SH3RF3: variants seen among roughly 807,000 people sequenced by gnomAD.
SH3RF3 encodes E3 ubiquitin-protein ligase SH3RF3.
In SH3RF3, 29 loss-of-function variants were observed where a neutral mutation model predicts 66.3. The ratio of observed to expected loss-of-function variants is 0.44; its 90% CI spans 0.33 to 0.60. The LOEUF (loss-of-function observed/expected upper bound fraction) is 0.60. Among genes scored for constraint, SH3RF3 ranks in the 20% least tolerant of loss-of-function variants. SH3RF3 has a pLI of 0.04. For missense variants in SH3RF3, 1,194 were observed against 1,190.9 expected (o/e 1.00, Z -0.04); for synonymous variants, 583 against 532.0 (o/e 1.10, Z -1.32).
chr2:109,450,329 G>C (rs1173729905), intron 8 of SH3RF3, among the ~76,000 whole-genome samples: 5 of 149,568 alleles, frequency 3.3e-5, no homozygotes, highest in African/African-American at 1.2e-4. Flanking sequence ...CTGGGCAACA[G>C]AGCAAGACTG....
At chr2:109,464,587 G>A (rs149293586) in intron 8 of SH3RF3, among the ~76,000 whole-genome samples, 39 of 152,222 alleles carry the variant, frequency 2.6e-4, no homozygotes, top group African/African-American at 9.1e-4. Context: ...CCTCACAATC[G>A]ATTTCCTCTT....
chr2:109,229,348 AT>A (rs1174542262), intron 1 of SH3RF3, among the ~76,000 whole-genome samples: 1 of 152,164 alleles, frequency 6.6e-6, no homozygotes, highest in Non-Finnish European at 1.5e-5. Context: ...CTTTTCATAC[AT>A]TAACATGATA....
chr2:109,147,753 G>T (rs1181785518), intron 1 of SH3RF3, among the ~76,000 whole-genome samples: 1 of 152,174 alleles, frequency 6.6e-6, no homozygotes, highest in Non-Finnish European at 1.5e-5. Context: ...AAATATTTAC[G>T]AAGTTAACAA....
At chr2:109,152,246 C>A (rs1217946075) in intron 1 of SH3RF3, among the ~76,000 whole-genome samples, 1 of 152,222 alleles carries the variant, frequency 6.6e-6, no homozygotes, top group African/African-American at 2.4e-5. Context: ...AGGTGACAGG[C>A]AGTACCTATA....
intron 1 of SH3RF3, among the ~76,000 whole-genome samples, chr2:109,315,620 G>C (rs564410859): frequency 6.6e-6 from 1 of 152,256 alleles, no homozygotes; most frequent in Admixed American, 6.5e-5. Flanking sequence ...GCACAAGGAC[G>C]TGTGTGTCCA....
chr2:109,316,235 C>T (rs546752640), intron 1 of SH3RF3, among the ~76,000 whole-genome samples: 1 of 152,296 alleles, frequency 6.6e-6, no homozygotes, highest in South Asian at 2.1e-4. Context: ...TCTCTCGCAG[C>T]AGATCTGCAC....
chr2:109,363,157 C>T (rs913920383), intron 2 of SH3RF3, among the ~76,000 whole-genome samples: 3 of 151,856 alleles, frequency 2.0e-5, no homozygotes, highest in East Asian at 1.9e-4. Context: ...CACTCTTTTT[C>T]GGTCTTTTGT....
At chr2:109,322,911 TG>T (rs1301354449) in intron 1 of SH3RF3, among the ~76,000 whole-genome samples, 1 of 152,162 alleles carries the variant, frequency 6.6e-6, no homozygotes, top group Non-Finnish European at 1.5e-5. Context: ...GGCCAAGAGG[TG>T]GCTTTTCCCT....
At chr2:109,417,153 T>A (rs1676747522) in intron 4 of SH3RF3, among the ~76,000 whole-genome samples, 1 of 152,160 alleles carries the variant, frequency 6.6e-6, no homozygotes, top group South Asian at 2.1e-4. Flanking sequence ...AGGAGACCTG[T>A]GGACAGTGGA....
intron 6 of SH3RF3, among the ~76,000 whole-genome samples, chr2:109,435,319 C>T (rs954117768): frequency 6.6e-6 from 1 of 152,224 alleles, no homozygotes; most frequent in Non-Finnish European, 1.5e-5. Flanking sequence ...GCTGTGCCCC[C>T]AGGACTTATA....
chr2:109,155,659 G>A (rs1172352714), intron 1 of SH3RF3, among the ~76,000 whole-genome samples: 1 of 152,140 alleles, frequency 6.6e-6, no homozygotes, highest in Non-Finnish European at 1.5e-5. Context: ...AGCAGTGCCT[G>A]GCCTGTAACT....
chr2:109,289,539 C>G (rs1681115698), intron 1 of SH3RF3, among the ~76,000 whole-genome samples: 1 of 152,138 alleles, frequency 6.6e-6, no homozygotes, highest in African/African-American at 2.4e-5. Context: ...GTGTAAGGAT[C>G]TTAGCAATTA....
intron 1 of SH3RF3, among the ~76,000 whole-genome samples, chr2:109,258,092 G>A (rs1680263446): frequency 6.6e-6 from 1 of 152,204 alleles, no homozygotes; most frequent in Non-Finnish European, 1.5e-5. Flanking sequence ...CAGACTTTCT[G>A]ATCTGGAGCT....
At chr2:109,395,090 C>A (rs1039943887) in intron 3 of SH3RF3, among the ~76,000 whole-genome samples, 4 of 152,198 alleles carry the variant, frequency 2.6e-5, no homozygotes, top group African/African-American at 9.7e-5. Flanking sequence ...GAAAACTTCC[C>A]CAGATGGAGA....
chr2:109,193,553 C>T (rs1678421844), intron 1 of SH3RF3, among the ~76,000 whole-genome samples: 1 of 152,190 alleles, frequency 6.6e-6, no homozygotes, highest in Non-Finnish European at 1.5e-5. Context: ...CATGATGTTT[C>T]TGAAGCTCAC....
At chr2:109,211,130 G>A (rs1046383570) in intron 1 of SH3RF3, among the ~76,000 whole-genome samples, 8 of 152,168 alleles carry the variant, frequency 5.3e-5, no homozygotes, top group African/African-American at 7.2e-5. Flanking sequence ...TGGAGAAAAC[G>A]TTACTTGCAG....
chr2:109,251,212 A>T (rs1223226850), intron 1 of SH3RF3, among the ~76,000 whole-genome samples: 1 of 152,112 alleles, frequency 6.6e-6, no homozygotes, highest in African/African-American at 2.4e-5. Context: ...CATGTTGGCC[A>T]GGCTGGTCTC....
At chr2:109,281,900 A>G (rs936840995) in intron 1 of SH3RF3, among the ~76,000 whole-genome samples, 4 of 152,136 alleles carry the variant, frequency 2.6e-5, no homozygotes. Flanking sequence ...GGCAGAATGT[A>G]GAGATGGCCA....
chr2:109,190,362 T>TG (rs761814262), intron 1 of SH3RF3, among the ~76,000 whole-genome samples: 4 of 152,310 alleles, frequency 2.6e-5, no homozygotes, highest in African/African-American at 4.8e-5. Flanking sequence ...GTAGTAGAGA[T>TG]GGGGTTTCGC....
Sources: allele counts gnomAD v4.1 joint callset (sites outside exome capture counted in the v4.1 genomes callset), GRCh38; gene constraint gnomAD v4.1.1; transcripts MANE v1.5; gene names NCBI Gene and HGNC (gene_info 2026-07-23, HGNC 2026-07-21).